ATP8A1: variants seen among roughly 807,000 people sequenced by gnomAD.
ATP8A1 encodes ATPase phospholipid transporting 8A1, also known as phospholipid-transporting ATPase IA.
Under a neutral mutation model 177.7 loss-of-function variants are expected in ATP8A1, and 90 were observed. The observed-to-expected ratio is 0.51, with a 90% confidence interval of 0.43 to 0.60. ATP8A1 has a LOEUF of 0.60. ATP8A1 is among the 20% of genes least tolerant of loss of function. ATP8A1 has a pLI of 0.00. For synonymous variants in ATP8A1, 493 were observed against 485.9 expected (o/e 1.01, Z -0.19); for missense variants, 1,072 against 1,392.8 (o/e 0.77, Z 3.67).
At chr4:42,543,043 C>G (rs757505473) in intron 20 of ATP8A1, among the ~76,000 whole-genome samples, 2 of 152,074 alleles carry the variant, frequency 1.3e-5, no homozygotes, top group Non-Finnish European at 2.9e-5. Context: ...GATGAGAATA[C>G]AAAATCAAAA....
At chr4:42,583,494 T>C (rs964681105) in intron 9 of ATP8A1, among the ~76,000 whole-genome samples, 3 of 152,206 alleles carry the variant, frequency 2.0e-5, no homozygotes, top group African/African-American at 7.2e-5. Flanking sequence ...GGGTATAATA[T>C]GGCAACTGTC....
chr4:42,504,590 C>G lies in ATP8A1; in HGVS notation c.2087-1076G>C, dbSNP rs534621649. Among the ~76,000 whole-genome samples the G allele has an allele frequency of 3.9e-5, 6 of 152,350 alleles. No homozygotes were observed. In the East Asian group the frequency reaches 1.2e-3, roughly 29 times the overall value. ...CATCAAGAAGCCAACCACTTCTTAC[C>G]CTTTCCCTTGTTACCACCTTGGTCC... On this transcript the variant is annotated intron_variant, in intron 23 of 36. Transcript: ENST00000381668.
At chr4:42,513,638 T>C (rs1048508533) in intron 22 of ATP8A1, among the ~76,000 whole-genome samples, 9 of 152,104 alleles carry the variant, frequency 5.9e-5, no homozygotes, top group South Asian at 4.2e-4. Context: ...ATGGAAATGA[T>C]AGATGAAGTG....
At chr4:42,478,702 A>G (rs1721345764) in intron 25 of ATP8A1, among the ~76,000 whole-genome samples, 1 of 152,130 alleles carries the variant, frequency 6.6e-6, no homozygotes. Flanking sequence ...CCTAGAACAG[A>G]GGGAAGGCAC....
At chr4:42,589,760 C>T (rs191974243) in intron 7 of ATP8A1, among the ~76,000 whole-genome samples, 3 of 152,124 alleles carry the variant, frequency 2.0e-5, no homozygotes, top group Admixed American at 1.3e-4. Context: ...TTATAAAACA[C>T]ACCTGATAAT....
intron 33 of ATP8A1, among the ~76,000 whole-genome samples, chr4:42,441,769 C>T (rs990225748): frequency 5.9e-5 from 9 of 152,138 alleles, no homozygotes; most frequent in Admixed American, 1.3e-4. Flanking sequence ...ACATTTTGGA[C>T]GTGCTAGTCA....
At chr4:42,448,396 C>CTTTACATTTTTTTTTTTTTT (rs778022629) in intron 30 of ATP8A1, among the ~76,000 whole-genome samples, 1 of 84,132 alleles carries the variant, frequency 1.2e-5, no homozygotes, top group Non-Finnish European at 2.3e-5. Context: ...CCTTCTCTTT[C>CTTTACATTTTTTTTTTTTTT]TTTTCTTTTT....
rs535412248 is a variant in ATP8A1, at chr4:42,606,183, G to A, written c.410-5665C>T. Among the ~76,000 whole-genome samples, 4 of 152,294 alleles carry A rather than the reference G, an allele frequency of 2.6e-5. No homozygotes were observed. In the South Asian group the frequency reaches 8.3e-4, roughly 32 times the overall value. On this transcript the variant is annotated intron_variant, in intron 5 of 36. Transcript: ENST00000381668. Reference sequence around the variant, plus strand: ...CAATTACAACGGGTTGGATAATTAGGTGGACACACAAGACTTCACAGGATG... The same window carrying A: ...CAATTACAACGGGTTGGATAATTAGATGGACACACAAGACTTCACAGGATG...
chr4:42,515,887 C>T (rs772899201), intron 22 of ATP8A1, among the ~76,000 whole-genome samples: 18 of 152,170 alleles, frequency 1.2e-4, no homozygotes, highest in South Asian at 2.1e-4. Flanking sequence ...TATAAATGAA[C>T]GAATCTAAAC....
At chr4:42,524,659 C>A in intron 21 of ATP8A1, 104 bp downstream of exon 21, 1 of 640,920 alleles carries the variant, frequency 1.6e-6, no homozygotes. Flanking sequence ...TGATATCTTA[C>A]TTTAGGAATC....
At chr4:42,585,713 A>G (rs1027863372) in intron 9 of ATP8A1, among the ~76,000 whole-genome samples, 1 of 151,904 alleles carries the variant, frequency 6.6e-6, no homozygotes, top group Non-Finnish European at 1.5e-5. Flanking sequence ...TGCTTTGTTC[A>G]CTGTTGCCTC....
rs1044160536 is a variant in ATP8A1, at chr4:42,576,893, A to G, written c.1129-1194T>C. Among the ~76,000 whole-genome samples the G allele has an allele frequency of 1.5e-4, 23 of 152,370 alleles. No homozygotes were observed. In the South Asian group the frequency reaches 3.9e-3, roughly 26 times the overall value. On this transcript the variant is annotated intron_variant, in intron 12 of 36. Coordinates refer to ENST00000381668, the MANE Select transcript of ATP8A1 (RefSeq NM_006095.2). ...AAGGAAAAGATAGGATAGAATTGGC[A>G]TGATAGCTGAGTTCAGATATTTTGC...
chr4:42,427,899 T>C (rs1714805146), intron 33 of ATP8A1, among the ~76,000 whole-genome samples: 1 of 152,212 alleles, frequency 6.6e-6, no homozygotes, highest in African/African-American at 2.4e-5. Flanking sequence ...TTCCCCTACA[T>C]CCTTCTTACA....
At chr4:42,533,969 G>A (rs757125281) in intron 20 of ATP8A1, among the ~76,000 whole-genome samples, 7 of 152,148 alleles carry the variant, frequency 4.6e-5, no homozygotes, top group Non-Finnish European at 8.8e-5. Context: ...CCTAGAGGAA[G>A]GGGGAGAACA....
intron 1 of ATP8A1, chr4:42,637,231 TGGAACCTTCCCCAACA>T: frequency 1.9e-6 from 1 of 518,572 alleles, no homozygotes. Flanking sequence ...GCAGGCTACC[TGGAACCTTCCCCAACA>T]GGCCCTACTT....
intron 19 of ATP8A1, among the ~76,000 whole-genome samples, chr4:42,547,725 T>TA (rs1437386166): frequency 2.0e-5 from 3 of 152,146 alleles, no homozygotes; most frequent in Non-Finnish European, 2.9e-5. Flanking sequence ...GTATCTAAGT[T>TA]AAAAAAAGCT....
intron 4 of ATP8A1, among the ~76,000 whole-genome samples, chr4:42,619,799 A>C (rs1737287157): frequency 6.6e-6 from 1 of 152,134 alleles, no homozygotes; most frequent in African/African-American, 2.4e-5. Context: ...CTGAGATAAC[A>C]CCTTCTCTTT....
At chr4:42,576,778 T>C (rs192367176) in intron 12 of ATP8A1, among the ~76,000 whole-genome samples, 5 of 152,304 alleles carry the variant, frequency 3.3e-5, no homozygotes, top group African/African-American at 7.2e-5. Context: ...AACTGGGCCT[T>C]TGTTCAGAAG....
intron 27 of ATP8A1, among the ~76,000 whole-genome samples, chr4:42,463,942 A>G (rs1255684895): frequency 6.6e-6 from 1 of 152,212 alleles, no homozygotes; most frequent in East Asian, 1.9e-4. Context: ...AGCTACCTGC[A>G]TATTCTTCCT....
Sources: gnomAD v4.1 joint callset for allele counts (sites outside exome capture counted in the v4.1 genomes callset) on GRCh38, gnomAD v4.1.1 for gene constraint, MANE v1.5 for transcripts, NCBI Gene and HGNC (gene_info 2026-07-23, HGNC 2026-07-21) for gene names.